The following PAPPA variants were observed in gnomAD, a reference collection of about 807,000 sequenced individuals.
PAPPA encodes the protein pappalysin-1.
PAPPA carries 60 observed loss-of-function variants against 164.0 expected under a neutral mutation model. The observed-to-expected ratio is 0.37, with a 90% CI of 0.30 to 0.45. The LOEUF is 0.45. PAPPA is among the 20% of genes least tolerant of loss of function. The pLI, the probability that PAPPA is intolerant of heterozygous loss-of-function variation, is 1.00. For missense variants in PAPPA, 1,782 were observed against 2,087.3 expected (o/e 0.85, Z 2.85); for synonymous variants, 875 against 814.1 (o/e 1.07, Z -1.27).
chr9:116,286,049 G>A (rs1845334765), intron 9 of PAPPA: 1 of 152,050 alleles, frequency 6.6e-6, no homozygotes, highest in South Asian at 2.1e-4. Context: ...AAAGGGGTGG[G>A]GGCTTCTTTA....
intron 21 of PAPPA, among the ~76,000 whole-genome samples, chr9:116,393,875 G>GACTT (rs1293143811): frequency 6.6e-5 from 10 of 152,288 alleles, no homozygotes; most frequent in East Asian, 1.9e-4. Flanking sequence ...TAAGATCTGA[G>GACTT]ACTTATGTAG....
In PAPPA at chr9:116,227,411, C is replaced by T; in HGVS notation, c.2112-20C>T. On this transcript the variant is annotated intron_variant, in intron 5 of 21. Coordinates refer to ENST00000328252, the MANE Select transcript of PAPPA (RefSeq NM_002581.5). ...CTGTTCCTAAGTCGGTGCATTTTCC[C>T]TCTTTCCTTGGCCTCCTAGAGAATT... is the stretch of plus-strand genomic sequence containing the variant. 6.2e-7 allele frequency: 1 copy of T among 1,613,688 alleles called. No individual in the cohort carries two copies. The highest frequency in any genetic ancestry group is 8.5e-7 in the Non-Finnish European group (1 of 1,179,704).
chr9:116,385,174 C>T (rs776012720), intron 21 of PAPPA, among the ~76,000 whole-genome samples: 16 of 151,622 alleles, frequency 1.1e-4, no homozygotes, highest in African/African-American at 2.4e-4. Flanking sequence ...GCAGAGGTTG[C>T]GGTGAGCCGA....
At chr9:116,276,187 A>T (rs763365794) in intron 9 of PAPPA, among the ~76,000 whole-genome samples, 1 of 152,252 alleles carries the variant, frequency 6.6e-6, no homozygotes, top group Non-Finnish European at 1.5e-5. Flanking sequence ...TCTCTAAAGC[A>T]TTGAGTCATA....
In PAPPA at chr9:116,397,097, C is replaced by T. The variant is rs567958038; in HGVS notation, c.*481C>T. 1 of 156,020 alleles carries T rather than the reference C, an allele frequency of 6.4e-6. No homozygotes were observed. The highest frequency in any genetic ancestry group is 6.3e-5 in the Admixed American group (1 of 15,760). The allele number at this position is 156,020 out of a possible 1,614,324, so 9.7% of individuals were successfully genotyped here. A position where few individuals can be genotyped will look rare whatever the true frequency, so the allele number is the denominator to read the frequency against. On this transcript the variant is annotated 3_prime_UTR_variant, in exon 22 of 22. Coordinates refer to ENST00000328252, the MANE Select transcript of PAPPA (RefSeq NM_002581.5). ...CTTGGGAGAAAGAAATTTGCAGAAA[C>T]TGCTAAGACCAAGTGTGGAGATGTC...
In PAPPA at chr9:116,235,263, G is replaced by A. The variant is rs771017142; in HGVS notation, c.2358G>A (p.Glu786=). Residue 786 remains glutamate, a synonymous_variant, in exon 7 of 22, where the codon GAG becomes GAA. Coordinates refer to ENST00000328252, the MANE Select transcript of PAPPA (RefSeq NM_002581.5). ...PEPQGCYLEL[E]FLYPLVPESL... ...CTCAAGGCTGCTACCTCGAGCTGGA[G>A]TTCCTCTACCCCTTGGTCCCTGAGT... is the stretch of plus-strand genomic sequence containing the variant. 1.2e-6 allele frequency: 2 copies of A among 1,614,128 alleles called. No homozygotes were observed. The highest frequency in any genetic ancestry group is 1.7e-6 in the Non-Finnish European group (2 of 1,180,024).
intron 4 of PAPPA, among the ~76,000 whole-genome samples, chr9:116,217,774 G>A (rs532013131): frequency 2.0e-5 from 3 of 152,022 alleles, no homozygotes; most frequent in Non-Finnish European, 4.4e-5. Flanking sequence ...ATGAGCAATC[G>A]CGTTATCATC....
intron 8 of PAPPA, 80 bp downstream of exon 8, chr9:116,266,065 T>G: frequency 7.8e-7 from 1 of 1,276,994 alleles, no homozygotes; most frequent in Non-Finnish European, 1.1e-6. Flanking sequence ...ACAGAAGAGC[T>G]TATGACATAT....
chr9:116,187,092 A>G lies in PAPPA; in HGVS notation c.416-62A>G. 2.5e-6 allele frequency: 3 copies of G among 1,214,896 alleles called. No homozygotes were observed. Among genetic ancestry groups the G allele is most frequent in the Non-Finnish European group, 3.6e-6 (3 of 840,512 alleles). The allele number at this position is 1,214,896 out of a possible 1,614,324, so 75.3% of individuals were successfully genotyped here. ...ATACAAATTTTATTAGAGAAAAATA[A>G]CTTAACCCCCCCTCCTTTTCCATCC... On this transcript the variant is annotated intron_variant, in intron 1 of 21. Transcript: ENST00000328252. The surrounding 1 kb of genome is among the most constrained non-coding windows in gnomAD (Gnocchi z 4.2).
rs1370916931 is a variant in PAPPA, at chr9:116,187,414, G to A, written c.676G>A (p.Gly226Ser). The A allele has an allele frequency of 1.9e-6, 3 of 1,614,018 alleles. No homozygotes were observed. The African/African-American group carries it at 4.0e-5, about 22-fold the overall frequency. The change falls in exon 2 of 22, where the codon GGC becomes AGC. Residue 226 changes from glycine to serine, a missense_variant. Physicochemically the swap from Gly to Ser is moderately conservative, Grantham distance 56. Transcript: ENST00000328252. The surrounding 1 kb of genome is among the most constrained non-coding windows in gnomAD (Gnocchi z 4.2). ...QVATSGEQVG[G>S]IFSPLTQKCK... Reference sequence around the variant, plus strand: ...GGCCACCTCTGGGGAACAAGTGGGTGGCATATTCAGCCCACTGACCCAGAA... The same window carrying A: ...GGCCACCTCTGGGGAACAAGTGGGTAGCATATTCAGCCCACTGACCCAGAA...
chr9:116,345,607 GA>G (rs1846197715), intron 14 of PAPPA, among the ~76,000 whole-genome samples: 1 of 152,194 alleles, frequency 6.6e-6, no homozygotes, highest in African/African-American at 2.4e-5. Context: ...GCTGTTGCAG[GA>G]AATGACATGG....
intron 17 of PAPPA, among the ~76,000 whole-genome samples, chr9:116,361,387 C>G (rs1475082108): frequency 6.6e-6 from 1 of 152,192 alleles, no homozygotes; most frequent in Non-Finnish European, 1.5e-5. Context: ...GTCTAAACTA[C>G]TTAAGTTGGC....
At chr9:116,361,930 A>T (rs1328757973) in intron 17 of PAPPA, among the ~76,000 whole-genome samples, 1 of 152,220 alleles carries the variant, frequency 6.6e-6, no homozygotes, top group Admixed American at 6.5e-5. Flanking sequence ...AAGATTGAGA[A>T]ACTATAATTC....
chr9:116,238,076 G>A (rs964600784), intron 7 of PAPPA, among the ~76,000 whole-genome samples: 2 of 151,916 alleles, frequency 1.3e-5, no homozygotes, highest in Non-Finnish European at 2.9e-5. Context: ...AATTGCCTGG[G>A]TCTCACTTGT....
At chr9:116,267,806 C>T (rs553597244) in intron 8 of PAPPA, among the ~76,000 whole-genome samples, 53 of 134,426 alleles carry the variant, frequency 3.9e-4, no homozygotes, top group Non-Finnish European at 6.9e-4. Context: ...ACCCGGGAAG[C>T]GGAGCTTGCA....
chr9:116,184,170 T>C (rs1369956231), intron 1 of PAPPA, among the ~76,000 whole-genome samples: 1 of 152,166 alleles, frequency 6.6e-6, no homozygotes, highest in African/African-American at 2.4e-5. Flanking sequence ...GACATGAATG[T>C]CATGGCTCCA....
intron 10 of PAPPA, among the ~76,000 whole-genome samples, chr9:116,309,531 A>G (rs1366862070): frequency 2.6e-5 from 4 of 152,184 alleles, no homozygotes; most frequent in African/African-American, 9.7e-5. Flanking sequence ...ACGTACACTT[A>G]TGATGCAGTG....
At chr9:116,300,820 T>TG (rs1454858568) in intron 9 of PAPPA, among the ~76,000 whole-genome samples, 5 of 149,988 alleles carry the variant, frequency 3.3e-5, no homozygotes, top group African/African-American at 1.2e-4. Context: ...ATTCCTCCAC[T>TG]TAGAAGCAAA....
chr9:116,285,097 C>A lies in PAPPA; in HGVS notation c.2953+13681C>A, dbSNP rs570786677. Among the ~76,000 whole-genome samples, 4 of 151,152 alleles carry A rather than the reference C, an allele frequency of 2.6e-5. No homozygotes were observed. In the East Asian group the frequency reaches 5.8e-4, roughly 22 times the overall value. ...CCTTACTGTGTCATTTAAGACCTTGCGTGATCTGAGCCCAGGATTTGCTTT... is the reference window on the plus strand; with the variant it reads ...CCTTACTGTGTCATTTAAGACCTTGAGTGATCTGAGCCCAGGATTTGCTTT... On this transcript the variant is annotated intron_variant, in intron 9 of 21. Coordinates refer to ENST00000328252, the MANE Select transcript of PAPPA (RefSeq NM_002581.5).
Sources: gnomAD v4.1 joint callset for allele counts (sites outside exome capture counted in the v4.1 genomes callset) on GRCh38, gnomAD v4.1.1 for gene constraint, Gnocchi (gnomAD v3.1) non-coding constraint, MANE v1.5 for transcripts, NCBI Gene and HGNC (gene_info 2026-07-23, HGNC 2026-07-21) for gene names.